The following FAM168A variants were observed in gnomAD, a reference collection of about 807,000 sequenced individuals.
FAM168A encodes the protein protein FAM168A.
FAM168A carries 3 observed loss-of-function variants against 28.5 expected under a neutral mutation model. The observed-to-expected ratio is 0.11, with a 90% CI of 0.05 to 0.27. The LOEUF (loss-of-function observed/expected upper bound fraction) is 0.27, where lower values mean the gene tolerates loss of function less well. Among genes scored for constraint, FAM168A ranks in the 10% least tolerant of loss-of-function variants. The probability of loss-of-function intolerance (pLI) is 1.00; values close to 1 mark genes in which losing one functional copy is unlikely to be tolerated. For missense variants in FAM168A, 222 were observed against 311.5 expected (o/e 0.71, Z 2.16); for synonymous variants, 122 against 124.2 (o/e 0.98, Z 0.12).
At chr11:73,548,621 T>C (rs1193982212) in intron 1 of FAM168A, among the ~76,000 whole-genome samples, 1 of 152,172 alleles carries the variant, frequency 6.6e-6, no homozygotes, top group African/African-American at 2.4e-5. Context: ...ACCCTAGATA[T>C]ATTTCTTTCT....
At chr11:73,555,199 T>C (rs1240355864) in intron 1 of FAM168A, among the ~76,000 whole-genome samples, 1 of 152,132 alleles carries the variant, frequency 6.6e-6, no homozygotes, top group Non-Finnish European at 1.5e-5. Flanking sequence ...GTGAAAGATG[T>C]AGTTGCAAAA....
chr11:73,533,547 C>G (rs2508666), intron 1 of FAM168A, among the ~76,000 whole-genome samples: 33 of 151,970 alleles, frequency 2.2e-4, no homozygotes, highest in Non-Finnish European at 3.4e-4. Flanking sequence ...TGTGTTTCAC[C>G]AACAGCAAGG....
At chr11:73,510,942 C>A (rs1342499624) in intron 1 of FAM168A, 4 of 236,114 alleles carry the variant, frequency 1.7e-5, no homozygotes, top group East Asian at 7.4e-5. Context: ...ATGATGAATG[C>A]ATCTGTTGCT....
At chr11:73,494,589 C>T (rs891945912) in intron 1 of FAM168A, among the ~76,000 whole-genome samples, 22 of 152,152 alleles carry the variant, frequency 1.4e-4, no homozygotes. Context: ...GGCAAAGAGC[C>T]AGGAAGAGTT....
At chr11:73,594,267 T>A (rs1166571151) in intron 1 of FAM168A, among the ~76,000 whole-genome samples, 3 of 135,182 alleles carry the variant, frequency 2.2e-5, no homozygotes, top group Non-Finnish European at 4.6e-5. Flanking sequence ...ACCCAGCAAA[T>A]TTTTTTTTTT....
At chr11:73,449,679 C>G (rs1867391408) in intron 2 of FAM168A, among the ~76,000 whole-genome samples, 1 of 152,190 alleles carries the variant, frequency 6.6e-6, no homozygotes. Context: ...TGACTCTTTG[C>G]CCATCCCCAC....
At chr11:73,538,813 A>C (rs931891789) in intron 1 of FAM168A, among the ~76,000 whole-genome samples, 13 of 152,310 alleles carry the variant, frequency 8.5e-5, no homozygotes, top group Non-Finnish European at 1.6e-4. Context: ...GAGCGTCCCC[A>C]AATCACCTTG....
At chr11:73,409,699 G>C in intron 5 of FAM168A, 38 bp from the exon 6 acceptor site, 1 of 1,568,076 alleles carries the variant, frequency 6.4e-7, no homozygotes, top group Non-Finnish European at 8.7e-7. Context: ...GGCATTTGGA[G>C]AGGTAGGTGG....
chr11:73,539,197 T>C (rs949022075), intron 1 of FAM168A, among the ~76,000 whole-genome samples: 2 of 152,182 alleles, frequency 1.3e-5, no homozygotes, highest in African/African-American at 2.4e-5. Flanking sequence ...AAAAATCAAT[T>C]GAATTAAATG....
intron 1 of FAM168A, among the ~76,000 whole-genome samples, chr11:73,481,380 C>G (rs1275672782): frequency 6.6e-6 from 1 of 152,238 alleles, no homozygotes. Flanking sequence ...ATACCTAGCA[C>G]AGTCAGGCAC....
intron 1 of FAM168A, among the ~76,000 whole-genome samples, chr11:73,552,593 C>G (rs1481346789): frequency 1.3e-5 from 2 of 152,084 alleles, no homozygotes; most frequent in Non-Finnish European, 2.9e-5. Context: ...GTTTTCCTTT[C>G]TATCTAGTAC....
At chr11:73,570,293 T>C (rs1196357027) in intron 1 of FAM168A, among the ~76,000 whole-genome samples, 2 of 152,112 alleles carry the variant, frequency 1.3e-5, no homozygotes, top group East Asian at 3.8e-4. Context: ...AAACAAATAC[T>C]GCACTTGGCA....
chr11:73,488,433 A>C (rs1441105895), intron 1 of FAM168A, among the ~76,000 whole-genome samples: 2 of 152,134 alleles, frequency 1.3e-5, no homozygotes, highest in Non-Finnish European at 2.9e-5. Context: ...GCCCAGCCTC[A>C]TGTCGGTTCT....
At chr11:73,536,413 C>A (rs1339406434) in intron 1 of FAM168A, among the ~76,000 whole-genome samples, 1 of 152,128 alleles carries the variant, frequency 6.6e-6, no homozygotes, top group Non-Finnish European at 1.5e-5. Flanking sequence ...CCAGGCCAAG[C>A]GCGGTAGATC....
intron 1 of FAM168A, among the ~76,000 whole-genome samples, chr11:73,570,562 T>C (rs1732118075): frequency 6.6e-6 from 1 of 151,918 alleles, no homozygotes; most frequent in South Asian, 2.1e-4. Context: ...GGCAACATGG[T>C]GAAACCCCAC....
At chr11:73,491,835 C>T (rs1421689878) in intron 1 of FAM168A, among the ~76,000 whole-genome samples, 3 of 152,198 alleles carry the variant, frequency 2.0e-5, no homozygotes, top group African/African-American at 7.2e-5. Context: ...TCCCCATCTA[C>T]CTCCTTTGTT....
At chr11:73,567,488 A>T (rs2134714377) in intron 1 of FAM168A, among the ~76,000 whole-genome samples, 1 of 152,262 alleles carries the variant, frequency 6.6e-6, no homozygotes, top group Non-Finnish European at 1.5e-5. Flanking sequence ...AATGAGGAAA[A>T]GGTTTTATTA....
intron 2 of FAM168A, among the ~76,000 whole-genome samples, chr11:73,451,120 C>T (rs1867420838): frequency 1.3e-5 from 2 of 152,266 alleles, no homozygotes; most frequent in Admixed American, 1.3e-4. Flanking sequence ...TAGGAGCTAT[C>T]TAAATGGGTT....
intron 1 of FAM168A, among the ~76,000 whole-genome samples, chr11:73,496,895 A>G (rs1854894644): frequency 1.3e-5 from 2 of 149,338 alleles, no homozygotes; most frequent in South Asian, 2.1e-4. Context: ...ACACACACAC[A>G]CACACACACA....
Sources: allele counts gnomAD v4.1 joint callset (sites outside exome capture counted in the v4.1 genomes callset), GRCh38; gene constraint gnomAD v4.1.1; transcripts MANE v1.5; gene names NCBI Gene and HGNC (gene_info 2026-07-23, HGNC 2026-07-21).